ZNF532: variants seen among roughly 807,000 people sequenced by gnomAD.
ZNF532 encodes the protein zinc finger protein 532.
ZNF532 carries 22 observed loss-of-function variants against 89.3 expected under a neutral mutation model. That is an observed-to-expected ratio of 0.25 (90% CI 0.18 to 0.35). The LOEUF (loss-of-function observed/expected upper bound fraction) is 0.35, where lower values mean the gene tolerates loss of function less well. ZNF532 is among the 10% of genes least tolerant of loss of function. The probability of loss-of-function intolerance (pLI) is 1.00; values close to 1 mark genes in which losing one functional copy is unlikely to be tolerated. For synonymous variants in ZNF532, 606 were observed against 649.6 expected (o/e 0.93, Z 1.02); for missense variants, 1,132 against 1,643.4 (o/e 0.69, Z 5.38).
At chr18:58,888,728 T>A (rs1194363224) in intron 2 of ZNF532, among the ~76,000 whole-genome samples, 11 of 4,990 alleles carry the variant, frequency 2.2e-3, no homozygotes, top group South Asian at 4.9e-3. Context: ...TATATATAAA[T>A]TATATATATA....
intron 7 of ZNF532, among the ~76,000 whole-genome samples, chr18:58,959,515 G>C (rs1034767666): frequency 1.3e-5 from 2 of 152,024 alleles, no homozygotes; most frequent in Non-Finnish European, 2.9e-5. Context: ...GCCTCCCAAA[G>C]TGCTGGGATT....
chr18:58,960,310 A>C (rs939795973), intron 7 of ZNF532, among the ~76,000 whole-genome samples: 4 of 152,182 alleles, frequency 2.6e-5, no homozygotes, highest in Non-Finnish European at 5.9e-5. Context: ...TTGGCCTTCC[A>C]AAGTGTCGGG....
chr18:58,925,988 A>G (rs746273002), intron 3 of ZNF532, among the ~76,000 whole-genome samples: 18 of 152,218 alleles, frequency 1.2e-4, no homozygotes, highest in Non-Finnish European at 2.2e-4. Context: ...TGAGTACTGT[A>G]ATTAGGTAGT....
At chr18:58,932,676 G>A (rs996016881) in intron 3 of ZNF532, among the ~76,000 whole-genome samples, 9 of 152,128 alleles carry the variant, frequency 5.9e-5, no homozygotes, top group African/African-American at 2.2e-4. Context: ...CTGAGCCTTC[G>A]TTTCCTTATC....
intron 9 of ZNF532, among the ~76,000 whole-genome samples, chr18:58,982,419 G>A (rs751139300): frequency 9.2e-5 from 14 of 151,890 alleles, no homozygotes; most frequent in East Asian, 1.9e-4. Context: ...CTAGGAGTTC[G>A]AGACCAGCCT....
chr18:58,865,743 T>C lies in ZNF532; in HGVS notation c.-18+164T>C, dbSNP rs112434228. Among the ~76,000 whole-genome samples the C allele has an allele frequency of 8.2e-3, 1,246 of 152,350 alleles. 18 individuals carry two copies. Among genetic ancestry groups the C allele is most frequent in the African/African-American group, 0.028 (1,171 of 41,566 alleles). ...TAATGGGATTAGAGTGACTTTATGA[T>C]GGTATTGCGATCAAGGCGAAATCTG... On this transcript the variant is annotated intron_variant, in intron 2 of 9. Coordinates refer to ENST00000591808, the MANE Select transcript of ZNF532 (RefSeq NM_001375912.1).
intron 5 of ZNF532, among the ~76,000 whole-genome samples, chr18:58,941,780 TTTC>T (rs1394567766): frequency 6.6e-6 from 1 of 151,938 alleles, no homozygotes; most frequent in African/African-American, 2.4e-5. Context: ...TCTTTTCTTT[TTTC>T]TTCTTTTTTT....
Position 58,919,967 on chromosome 18 carries a change from C to T in ZNF532, c.1680C>T (p.Ala560=). The T allele has an allele frequency of 1.2e-6, 2 of 1,613,804 alleles. No individual in the cohort carries two copies. Among genetic ancestry groups the T allele is most frequent in the Non-Finnish European group, 1.7e-6 (2 of 1,179,806 alleles). Residue 560 remains alanine, a synonymous_variant, in exon 3 of 10, where the codon GCC becomes GCT. Transcript: ENST00000591808. The surrounding 1 kb of genome is among the most constrained non-coding windows in gnomAD (Gnocchi z 6.1). ...AGCAGGCAATAATCAATGCAGCAGCCTCGCAACCCCCCAAAAAGGTGTCTC... is the reference window on the plus strand; with the variant it reads ...AGCAGGCAATAATCAATGCAGCAGCTTCGCAACCCCCCAAAAAGGTGTCTC... The part of the protein sequence containing the change: ...QIKQAIINAA[A]SQPPKKVSRV...
intron 2 of ZNF532, among the ~76,000 whole-genome samples, chr18:58,892,925 CTG>C (rs1390190699): frequency 1.3e-5 from 2 of 151,882 alleles, no homozygotes; most frequent in Non-Finnish European, 2.9e-5. Flanking sequence ...TGTCAATTAA[CTG>C]AGAGCAAGTC....
rs58182199 is a variant in ZNF532, at chr18:58,957,406, C to CATATATATATATAT, written c.3150+3623_3150+3636dup. Among the ~76,000 whole-genome samples the CATATATATATATAT allele has an allele frequency of 2.1e-3, 286 of 138,852 alleles. 3 individuals are homozygous for CATATATATATATAT. The highest frequency in any genetic ancestry group is 0.013 in the South Asian group (54 of 4,168). The allele number at this position is 138,852 out of a possible 152,430, so 91.1% of individuals were successfully genotyped here. A position where few individuals can be genotyped will look rare whatever the true frequency, so the allele number is the denominator to read the frequency against. On this transcript the variant is annotated intron_variant, in intron 7 of 9. Coordinates refer to ENST00000591808, the MANE Select transcript of ZNF532 (RefSeq NM_001375912.1). Reference sequence around the variant, plus strand: ...AGTATCATAATTATGACTTAAAATACATATATATATATATATATATATATA... The same window carrying CATATATATATATAT: ...AGTATCATAATTATGACTTAAAATACATATATATATATATATATATATATATATATATATATATA...
intron 2 of ZNF532, among the ~76,000 whole-genome samples, chr18:58,912,874 A>G (rs1362081159): frequency 6.6e-6 from 1 of 151,884 alleles, no homozygotes. Context: ...TGCACTTCCT[A>G]GAGAGAGGCA....
chr18:58,901,334 C>T (rs775531427), intron 2 of ZNF532, among the ~76,000 whole-genome samples: 19 of 152,176 alleles, frequency 1.2e-4, no homozygotes, highest in Non-Finnish European at 2.4e-4. Context: ...TCAGTCCTCC[C>T]GCCTCAGCCT....
intron 2 of ZNF532, among the ~76,000 whole-genome samples, chr18:58,916,442 G>A (rs1041388439): frequency 1.3e-5 from 2 of 152,106 alleles, no homozygotes; most frequent in Non-Finnish European, 2.9e-5. Flanking sequence ...TATTTCCTGT[G>A]TACTTTTTGC....
chr18:58,881,823 A>G (rs933283216), intron 2 of ZNF532, among the ~76,000 whole-genome samples: 5 of 152,264 alleles, frequency 3.3e-5, no homozygotes, highest in African/African-American at 1.2e-4. Flanking sequence ...CTCAATGTCC[A>G]TAAACATTAA....
rs998970683 is a variant in ZNF532 at position 58,986,346 on chromosome 18, C to T, written c.*1880C>T. 1.2e-4 allele frequency: 19 copies of T among 152,654 alleles called. No individual in the cohort carries two copies. The highest frequency in any genetic ancestry group is 4.6e-4 in the African/African-American group (19 of 41,452). 9.5% of individuals were successfully genotyped at this position (152,654 alleles called of 1,614,324 possible). ...AGATTCAGTTCTTTGCCGAAGCCCT[C>T]ATAGCTGGTAAGTGGCTTTGCATAT... On this transcript the variant is annotated 3_prime_UTR_variant, in exon 10 of 10. Transcript: ENST00000591808.
intron 3 of ZNF532, among the ~76,000 whole-genome samples, chr18:58,930,297 A>C (rs942366959): frequency 2.9e-4 from 44 of 152,132 alleles, no homozygotes; most frequent in Non-Finnish European, 4.9e-4. Flanking sequence ...TTTGCATGCT[A>C]TTGATCAATT....
intron 7 of ZNF532, among the ~76,000 whole-genome samples, chr18:58,956,958 A>G (rs2064842838): frequency 1.3e-5 from 2 of 152,198 alleles, no homozygotes; most frequent in South Asian, 4.1e-4. Flanking sequence ...TACAGATAGC[A>G]CCCAAATCTG....
intron 2 of ZNF532, among the ~76,000 whole-genome samples, chr18:58,878,871 A>G (rs953829659): frequency 1.3e-5 from 2 of 152,216 alleles, no homozygotes; most frequent in African/African-American, 2.4e-5. Context: ...TGAGGACCAC[A>G]TGCCCTTGGT....
At chr18:58,915,396 T>TC (rs1015680676) in intron 2 of ZNF532, among the ~76,000 whole-genome samples, 3 of 152,042 alleles carry the variant, frequency 2.0e-5, no homozygotes, top group Admixed American at 6.6e-5. Flanking sequence ...CTCCCCCACG[T>TC]CCCCCATGAG....
Sources: allele counts gnomAD v4.1 joint callset (sites outside exome capture counted in the v4.1 genomes callset), GRCh38; gene constraint gnomAD v4.1.1; non-coding constraint Gnocchi (gnomAD v3.1); transcripts MANE v1.5; gene names NCBI Gene and HGNC (gene_info 2026-07-23, HGNC 2026-07-21).